Variants in BCL2L11 observed in about 807,000 individuals in gnomAD.
BCL2L11 encodes BCL2 like 11.
Under a neutral mutation model 20.6 loss-of-function variants are expected in BCL2L11, and 15 were observed. The observed-to-expected ratio is 0.73, with a 90% CI of 0.49 to 1.12. The LOEUF (loss-of-function observed/expected upper bound fraction) is 1.12. Ranked by LOEUF, BCL2L11 falls within the 50% of genes most tolerant of loss-of-function variation. The probability of loss-of-function intolerance (pLI) is 0.00; values close to 1 mark genes in which losing one functional copy is unlikely to be tolerated. For synonymous variants in BCL2L11, 108 were observed against 92.8 expected (o/e 1.16, Z -0.94); for missense variants, 292 against 260.9 (o/e 1.12, Z -0.82).
At position 111,142,388 on chromosome 2, in the gene BCL2L11, C is replaced by G. The variant is rs1018105916; in HGVS notation, c.395-7656C>G. The G allele has an allele frequency of 2.8e-5, 43 of 1,550,008 alleles. No homozygotes were observed. The Admixed American group carries it at 8.0e-4, about 29-fold the overall frequency. ...TGGCCACTCAAGTGGTTAGCAAAATCAAGGTGAAAAGTTTTTCTTTTTATT... is the reference window on the plus strand; with the variant it reads ...TGGCCACTCAAGTGGTTAGCAAAATGAAGGTGAAAAGTTTTTCTTTTTATT... On this transcript the variant is annotated intron_variant, in intron 2 of 3. Coordinates refer to ENST00000393256, the MANE Select transcript of BCL2L11 (RefSeq NM_138621.5).
Position 111,151,939 on chromosome 2 carries a change from G to A in BCL2L11, c.498+1792G>A. On this transcript the variant is annotated intron_variant, in intron 3 of 3. Coordinates refer to ENST00000393256, the MANE Select transcript of BCL2L11 (RefSeq NM_138621.5). ...GTTGGTTTTATAACTTGTCACTGAA[G>A]TAACCATTCCCTCCAGTTCCTCTGC... 6 of 1,441,910 alleles carry A rather than the reference G, an allele frequency of 4.2e-6. No individual in the cohort carries two copies. The South Asian group carries it at 7.3e-5, about 18-fold the overall frequency. 89.3% of individuals were successfully genotyped at this position (1,441,910 alleles called of 1,614,324 possible).
At position 111,155,668 on chromosome 2, in the gene BCL2L11, G is replaced by C. The variant is rs528873930; in HGVS notation, c.498+5521G>C. Among the ~76,000 whole-genome samples, 5 of 152,314 alleles carry C rather than the reference G, an allele frequency of 3.3e-5. No individual in the cohort carries two copies. In the South Asian group the frequency reaches 1.0e-3, roughly 32 times the overall value. On this transcript the variant is annotated intron_variant, in intron 3 of 3. Transcript: ENST00000393256. ...TCCAGCTCAAGTCACTCCATGTGCA[G>C]GAACACTGCTCTTGGCTAACTGTGA...
chr2:111,153,777 C>T, intron 3 of BCL2L11: 1 of 1,552,128 alleles, frequency 6.4e-7, no homozygotes, highest in African/African-American at 1.4e-5. Context: ...CCCGTTTTTC[C>T]AGTTAGAGAA....
chr2:111,127,550 G>C (rs2072939143), intron 2 of BCL2L11, among the ~76,000 whole-genome samples: 1 of 151,728 alleles, frequency 6.6e-6, no homozygotes, highest in Admixed American at 6.6e-5. Context: ...GCGAGTGCCT[G>C]ACAAAGAGGA....
chr2:111,133,610 G>A (rs548688209), intron 2 of BCL2L11, among the ~76,000 whole-genome samples: 1 of 152,176 alleles, frequency 6.6e-6, no homozygotes, highest in South Asian at 2.1e-4. Flanking sequence ...TTACAAATGT[G>A]TCGAGAATTT....
At position 111,134,792 on chromosome 2, in the gene BCL2L11, C is replaced by T. The variant is rs530722662; in HGVS notation, c.394+10653C>T. On this transcript the variant is annotated intron_variant, in intron 2 of 3. Coordinates refer to ENST00000393256, the MANE Select transcript of BCL2L11 (RefSeq NM_138621.5). ...GGATATCTTCACGGAAGATAGAATT[C>T]GCAGTTGATGTATCTCTTTCAGTAC... Among the ~76,000 whole-genome samples the T allele has an allele frequency of 3.9e-5, 6 of 152,308 alleles. No homozygotes were observed. In the South Asian group the frequency reaches 6.2e-4, roughly 16 times the overall value.
chr2:111,123,427 G>A, intron 1 of BCL2L11: 1 of 985,476 alleles, frequency 1.0e-6, no homozygotes, highest in Non-Finnish European at 1.2e-6. Flanking sequence ...TCTGTCCTGG[G>A]CAAAGAGCAC....
intron 3 of BCL2L11, among the ~76,000 whole-genome samples, chr2:111,163,885 C>G (rs79069989): frequency 1.4e-5 from 1 of 71,400 alleles, no homozygotes; most frequent in African/African-American, 6.2e-5. Context: ...TTTTTTTTTC[C>G]TATTTTAAGG....
At chr2:111,157,493 G>A (rs995506443) in intron 3 of BCL2L11, among the ~76,000 whole-genome samples, 1 of 152,002 alleles carries the variant, frequency 6.6e-6, no homozygotes, top group Non-Finnish European at 1.5e-5. Context: ...TCCAACTACT[G>A]GTGCCTCACA....
chr2:111,133,317 G>A (rs1340943114), intron 2 of BCL2L11, among the ~76,000 whole-genome samples: 1 of 152,232 alleles, frequency 6.6e-6, no homozygotes, highest in East Asian at 1.9e-4. Context: ...AGCAGAGATG[G>A]TGGAGTCTTA....
chr2:111,154,353 GAAAAAAA>G (rs556911619), intron 3 of BCL2L11, among the ~76,000 whole-genome samples: 1,489 of 104,520 alleles, frequency 0.014, 34 homozygotes, highest in African/African-American at 0.045. Flanking sequence ...GCCCTTCTCA[GAAAAAAA>G]AAAAAAAAAG....
intron 3 of BCL2L11, chr2:111,153,971 TGCCGGGC>T: frequency 7.0e-7 from 1 of 1,421,942 alleles, no homozygotes; most frequent in Non-Finnish European, 9.2e-7. Context: ...CAGGTGAACC[TGCCGGGC>T]TGAACGGCCT....
At position 111,121,026 on chromosome 2, in the gene BCL2L11, C is replaced by T; in HGVS notation, c.-176C>T. 1 of 401,138 alleles carries T rather than the reference C, an allele frequency of 2.5e-6. No homozygotes were observed. Among genetic ancestry groups the T allele is most frequent in the Non-Finnish European group, 4.4e-6 (1 of 226,112 alleles). 24.8% of individuals were successfully genotyped at this position (401,138 alleles called of 1,614,324 possible). ...GCCGCCGCCGCCGCCGCCGCCACTA[C>T]CACCACTTGATTCTTGCAGCCACCC... On this transcript the variant is annotated 5_prime_UTR_variant, in exon 1 of 4. Transcript: ENST00000393256.
At chr2:111,127,310 A>G (rs1202446725) in intron 2 of BCL2L11, among the ~76,000 whole-genome samples, 1 of 152,108 alleles carries the variant, frequency 6.6e-6, no homozygotes, top group African/African-American at 2.4e-5. Context: ...AAGAGTTGAG[A>G]AAAGTCAGGA....
chr2:111,124,401 C>T (rs1036497589), intron 2 of BCL2L11, among the ~76,000 whole-genome samples: 1 of 152,090 alleles, frequency 6.6e-6, no homozygotes, highest in East Asian at 1.9e-4. Context: ...AGCAATTCTC[C>T]TACCTCAGCC....
intron 3 of BCL2L11, 114 bp from the exon 4 acceptor site, chr2:111,164,019 G>C: frequency 1.4e-6 from 1 of 702,032 alleles, no homozygotes. Flanking sequence ...CTCTTGAAGA[G>C]GTGCCTTTCA....
intron 3 of BCL2L11, among the ~76,000 whole-genome samples, chr2:111,158,127 T>G (rs1265593831): frequency 2.0e-5 from 3 of 152,252 alleles, no homozygotes; most frequent in Admixed American, 1.3e-4. Context: ...ACTGTGGTTG[T>G]TGGTCTGAAA....
Position 111,124,104 on chromosome 2 carries a change from C to G in BCL2L11, c.359C>G (p.Pro120Arg), listed in dbSNP as rs1302870608. 4 of 1,613,034 alleles carry G rather than the reference C, an allele frequency of 2.5e-6. No homozygotes were observed. Among genetic ancestry groups the G allele is most frequent in the Non-Finnish European group, 3.4e-6 (4 of 1,179,618 alleles). The change falls in exon 2 of 4, where the codon CCT becomes CGT. Residue 120 changes from proline to arginine, a missense_variant. Transcript: ENST00000393256. ...CDKSTQTPSPPCQAFNHYLSA... is the reference protein window; with the variant it reads ...CDKSTQTPSPRCQAFNHYLSA... ...AAATCAACACAAACCCCAAGTCCTC[C>G]TTGCCAGGCCTTCAACCACTATCTC...
intron 2 of BCL2L11, among the ~76,000 whole-genome samples, chr2:111,143,791 T>A (rs2076156169): frequency 6.6e-6 from 1 of 152,198 alleles, no homozygotes; most frequent in South Asian, 2.1e-4. Flanking sequence ...AATATGTTAA[T>A]ATGTGTGTCG....
Sources: allele counts gnomAD v4.1 joint callset (sites outside exome capture counted in the v4.1 genomes callset), GRCh38; gene constraint gnomAD v4.1.1; transcripts MANE v1.5; gene names NCBI Gene and HGNC (gene_info 2026-07-23, HGNC 2026-07-21).